ABAT: variants seen among roughly 807,000 people sequenced by gnomAD.
The protein encoded by ABAT is 4-aminobutyrate aminotransferase.
In ABAT, 45 loss-of-function variants were observed where a neutral mutation model predicts 64.6. That is an observed-to-expected ratio of 0.70 (90% confidence interval 0.55 to 0.89). The LOEUF (loss-of-function observed/expected upper bound fraction) is 0.89, where lower values mean the gene tolerates loss of function less well. Among genes scored for constraint, ABAT ranks in the 40% least tolerant of loss-of-function variants. The pLI, the probability that ABAT is intolerant of heterozygous loss-of-function variation, is 0.00. For missense variants in ABAT, 633 were observed against 658.4 expected, an observed-to-expected ratio of 0.96 and a Z score of 0.42; for synonymous variants, 297 against 250.5, an observed-to-expected ratio of 1.19 and a Z score of -1.75.
At chr16:8,761,103 A>T (rs1386557736) in intron 6 of ABAT, among the ~76,000 whole-genome samples, 1 of 152,022 alleles carries the variant, frequency 6.6e-6, no homozygotes, top group Non-Finnish European at 1.5e-5. Flanking sequence ...AAACAAAAAC[A>T]TATCCCAGAA....
At chr16:8,768,131 G>T (rs1301883729) in intron 9 of ABAT, 62 bp from the exon 10 acceptor site, 1 of 1,542,292 alleles carries the variant, frequency 6.5e-7, no homozygotes, top group Non-Finnish European at 9.0e-7. Context: ...ACTTGCAGGG[G>T]CAACAATACA....
intron 1 of ABAT, among the ~76,000 whole-genome samples, chr16:8,689,002 C>T (rs1034744217): frequency 1.3e-5 from 2 of 151,852 alleles, no homozygotes; most frequent in African/African-American, 4.8e-5. Flanking sequence ...ATCACTTGAA[C>T]CCAGAAGGCA....
At chr16:8,694,783 A>G (rs566278962) in intron 1 of ABAT, among the ~76,000 whole-genome samples, 9 of 152,338 alleles carry the variant, frequency 5.9e-5, no homozygotes, top group African/African-American at 2.2e-4. Flanking sequence ...TGATGGGTGC[A>G]TTCCCAAGGC....
Position 8,735,841 on chromosome 16 carries a change from A to G in ABAT, c.70+32A>G, listed in dbSNP as rs1301567279. 12 of 1,561,764 alleles carry G rather than the reference A, an allele frequency of 7.7e-6. No individual in the cohort carries two copies. The Admixed American group carries it at 2.0e-4, about 26-fold the overall frequency. Reference sequence around the variant, plus strand: ...CCCGGGGGTCTTGATAAGAACTGGTACTAATGGAAGATACCATCCAGACTA... The same window carrying G: ...CCCGGGGGTCTTGATAAGAACTGGTGCTAATGGAAGATACCATCCAGACTA... On this transcript the variant is annotated intron_variant, in intron 2 of 15. Transcript: ENST00000268251.
chr16:8,768,336 G>A (rs2060005976), intron 10 of ABAT, 80 bp downstream of exon 10: 8 of 1,428,376 alleles, frequency 5.6e-6, no homozygotes, highest in Non-Finnish European at 7.9e-6. Flanking sequence ...GCTGACATTA[G>A]CAGTTTACAC....
chr16:8,740,179 C>G (rs1408572026), intron 2 of ABAT, among the ~76,000 whole-genome samples: 1 of 152,168 alleles, frequency 6.6e-6, no homozygotes, highest in Non-Finnish European at 1.5e-5. Flanking sequence ...TTGAGCTAAG[C>G]CCAGTTGGCT....
At chr16:8,708,363 C>T (rs1043753152) in intron 1 of ABAT, among the ~76,000 whole-genome samples, 2 of 152,134 alleles carry the variant, frequency 1.3e-5, no homozygotes, top group African/African-American at 2.4e-5. Flanking sequence ...CTTTCTGCCT[C>T]AGCCTCCCAT....
intron 1 of ABAT, among the ~76,000 whole-genome samples, chr16:8,723,712 A>G (rs1042649103): frequency 3.3e-5 from 5 of 151,340 alleles, no homozygotes; most frequent in South Asian, 2.1e-4. Flanking sequence ...ACTATCTCCA[A>G]TCTACAAATC....
chr16:8,689,079 CAAAAAAA>C (rs35850996), intron 1 of ABAT, among the ~76,000 whole-genome samples: 1 of 85,896 alleles, frequency 1.2e-5, no homozygotes, highest in Non-Finnish European at 2.5e-5. Context: ...GACCCTGTCT[CAAAAAAA>C]AAAAAAAAAA....
chr16:8,714,442 GAGT>G (rs2076004184), intron 1 of ABAT: 1 of 152,550 alleles, frequency 6.6e-6, no homozygotes, highest in African/African-American at 2.4e-5. Context: ...CTCACGCCAA[GAGT>G]AGATGTCAGG....
intron 1 of ABAT, among the ~76,000 whole-genome samples, chr16:8,723,923 C>T (rs1333295045): frequency 6.7e-6 from 1 of 148,442 alleles, no homozygotes; most frequent in African/African-American, 2.5e-5. Context: ...TCACTGCAAC[C>T]CCCACCTCCC....
intron 13 of ABAT, among the ~76,000 whole-genome samples, chr16:8,775,685 T>C (rs1166732202): frequency 6.6e-6 from 1 of 152,154 alleles, no homozygotes; most frequent in African/African-American, 2.4e-5. Flanking sequence ...AGCCATCACA[T>C]CTCAATTCTA....
intron 1 of ABAT, among the ~76,000 whole-genome samples, chr16:8,693,143 C>G (rs145425549): frequency 0.024 from 3,644 of 152,330 alleles, 143 homozygotes; most frequent in African/African-American, 0.083. Flanking sequence ...GCTTGAGCCA[C>G]AATGCCCAGC....
chr16:8,725,659 T>A (rs1044385053), intron 1 of ABAT, among the ~76,000 whole-genome samples: 1 of 152,216 alleles, frequency 6.6e-6, no homozygotes, highest in Non-Finnish European at 1.5e-5. Context: ...TCGGCGCTTG[T>A]GAATAGTGCT....
At chr16:8,713,612 G>T (rs2058129113) in intron 1 of ABAT, 5 of 303,258 alleles carry the variant, frequency 1.6e-5, no homozygotes, top group South Asian at 1.0e-4. Flanking sequence ...CACTTGCCGG[G>T]TACCAGCTGA....
intron 1 of ABAT, among the ~76,000 whole-genome samples, chr16:8,676,142 G>T (rs60661510): frequency 1.3e-5 from 2 of 152,130 alleles, no homozygotes; most frequent in Non-Finnish European, 2.9e-5. Context: ...CTGTGTTGCG[G>T]CGTGGAGTCA....
intron 1 of ABAT, among the ~76,000 whole-genome samples, chr16:8,707,399 C>T (rs186367937): frequency 1.4e-5 from 2 of 144,692 alleles, no homozygotes; most frequent in African/African-American, 5.3e-5. Flanking sequence ...CTATGTTGCC[C>T]AGGTCTCCAG....
At chr16:8,675,351 C>T (rs2057173137) in intron 1 of ABAT, among the ~76,000 whole-genome samples, 1 of 152,012 alleles carries the variant, frequency 6.6e-6, no homozygotes, top group Non-Finnish European at 1.5e-5. Flanking sequence ...GGGGATTTCC[C>T]CTCTCCTCCC....
At chr16:8,758,384 G>A (rs992437969) in intron 6 of ABAT, among the ~76,000 whole-genome samples, 2 of 152,188 alleles carry the variant, frequency 1.3e-5, no homozygotes, top group Admixed American at 6.5e-5. Flanking sequence ...GGAAGGTCTG[G>A]CAGGCCACGA....
Sources: allele counts gnomAD v4.1 joint callset (sites outside exome capture counted in the v4.1 genomes callset), GRCh38; gene constraint gnomAD v4.1.1; transcripts MANE v1.5; gene names NCBI Gene and HGNC (gene_info 2026-07-23, HGNC 2026-07-21).